The following CFAP91 variants were observed in gnomAD, a reference collection of about 807,000 sequenced individuals.
CFAP91 encodes the protein cilia- and flagella-associated protein 91.
A neutral mutation model predicts 95.9 loss-of-function variants in CFAP91; 85 were observed. That is an observed-to-expected ratio of 0.89 (90% confidence interval 0.74 to 1.06). The LOEUF is 1.06. Ranked by LOEUF, CFAP91 falls within the 50% of genes least tolerant of loss-of-function variation. The pLI, the probability that CFAP91 is intolerant of heterozygous loss-of-function variation, is 0.00. For missense variants in CFAP91, 962 were observed against 943.4 expected (o/e 1.02, Z -0.26); for synonymous variants, 335 against 327.5 (o/e 1.02, Z -0.25).
At chr3:119,742,849 C>T (rs1433903210) in intron 13 of CFAP91, among the ~76,000 whole-genome samples, 1 of 152,124 alleles carries the variant, frequency 6.6e-6, no homozygotes, top group Non-Finnish European at 1.5e-5. Flanking sequence ...ACTGAGTATT[C>T]CCTCCTTTCA....
intron 6 of CFAP91, among the ~76,000 whole-genome samples, chr3:119,720,396 CAA>C (rs34084407): frequency 2.3e-5 from 3 of 129,738 alleles, no homozygotes; most frequent in Non-Finnish European, 3.2e-5. Flanking sequence ...GACTCTGTCT[CAA>C]AAAAAAAAAA....
chr3:119,746,376 C>A (rs2054219194), intron 14 of CFAP91, among the ~76,000 whole-genome samples: 1 of 152,172 alleles, frequency 6.6e-6, no homozygotes, highest in Non-Finnish European at 1.5e-5. Context: ...TATCCTATTT[C>A]ATGATTTCAA....
intron 5 of CFAP91, among the ~76,000 whole-genome samples, chr3:119,713,994 A>G (rs541669187): frequency 1.3e-5 from 2 of 152,248 alleles, no homozygotes; most frequent in South Asian, 4.1e-4. Context: ...TAGAAATGAG[A>G]CTTTATGAAC....
intron 17 of CFAP91, among the ~76,000 whole-genome samples, chr3:119,754,490 G>A (rs556811220): frequency 6.6e-6 from 1 of 152,242 alleles, no homozygotes; most frequent in Non-Finnish European, 1.5e-5. Flanking sequence ...CTAAGGGTGG[G>A]TTAACAGACA....
At chr3:119,756,085 A>G (rs1336899630) in intron 17 of CFAP91, among the ~76,000 whole-genome samples, 1 of 152,180 alleles carries the variant, frequency 6.6e-6, no homozygotes, top group East Asian at 1.9e-4. Flanking sequence ...TTTCAAGAAG[A>G]CTTCTTAACC....
intron 1 of CFAP91, among the ~76,000 whole-genome samples, chr3:119,704,339 T>G (rs1371248944): frequency 6.6e-6 from 1 of 152,186 alleles, no homozygotes; most frequent in Non-Finnish European, 1.5e-5. Flanking sequence ...GTAGATCAAA[T>G]AAAAGTTTGG....
chr3:119,750,789 G>T, intron 16 of CFAP91, 148 bp from the exon 17 acceptor site: 3 of 801,898 alleles, frequency 3.7e-6, no homozygotes, highest in Non-Finnish European at 6.1e-6. Flanking sequence ...ACCAGAGAGT[G>T]GGAACAGAGG....
intron 4 of CFAP91, among the ~76,000 whole-genome samples, chr3:119,708,923 AGG>A (rs2053425685): frequency 6.6e-6 from 1 of 152,194 alleles, no homozygotes; most frequent in Non-Finnish European, 1.5e-5. Flanking sequence ...TAAGCTAGCA[AGG>A]GGTAGATCTG....
chr3:119,762,292 C>CTGTA (rs2054551134), intron 17 of CFAP91, among the ~76,000 whole-genome samples: 1 of 151,610 alleles, frequency 6.6e-6, no homozygotes, highest in African/African-American at 2.4e-5. Context: ...TCAAGGAGAC[C>CTGTA]TGTACATTGA....
intron 17 of CFAP91, among the ~76,000 whole-genome samples, chr3:119,755,217 T>C (rs1324686367): frequency 6.6e-6 from 1 of 152,168 alleles, no homozygotes; most frequent in Non-Finnish European, 1.5e-5. Context: ...TGAGTTAAGA[T>C]TTTTGGTATT....
At chr3:119,720,279 C>T (rs2053657720) in intron 6 of CFAP91, among the ~76,000 whole-genome samples, 1 of 150,826 alleles carries the variant, frequency 6.6e-6, no homozygotes, top group South Asian at 2.1e-4. Flanking sequence ...CGCCCGTAGT[C>T]CCAGCTACTC....
chr3:119,751,195 T>C (rs918143133), intron 17 of CFAP91, 97 bp downstream of exon 17: 47 of 1,357,932 alleles, frequency 3.5e-5, no homozygotes, highest in Non-Finnish European at 4.6e-5. Context: ...AATGTGAAGA[T>C]TGCTGTTTAA....
chr3:119,753,272 A>G (rs1358953988), intron 17 of CFAP91, among the ~76,000 whole-genome samples: 1 of 152,166 alleles, frequency 6.6e-6, no homozygotes, highest in Non-Finnish European at 1.5e-5. Context: ...AACTTGAGTC[A>G]AGGTTGGGGC....
intron 5 of CFAP91, among the ~76,000 whole-genome samples, chr3:119,714,408 G>C (rs1007955337): frequency 4.0e-4 from 61 of 151,598 alleles, no homozygotes; most frequent in African/African-American, 1.4e-3. Flanking sequence ...GGAGCAAAGC[G>C]TATTTTAACT....
intron 17 of CFAP91, among the ~76,000 whole-genome samples, chr3:119,761,586 A>T (rs962981634): frequency 7.2e-5 from 11 of 151,902 alleles, no homozygotes; most frequent in African/African-American, 2.4e-4. Context: ...GGATGCAAAA[A>T]TTCTCAAAAA....
chr3:119,766,255 TGAAGAA>T lies in CFAP91; in HGVS notation c.*1209_*1214del, dbSNP rs1346730081. Reference sequence around the variant, plus strand: ...CCTATCCCACAGCAATCGGAGTTCTTGAAGAAGAAACCAGAACAAATAAAATAGAAA... The same window carrying T: ...CCTATCCCACAGCAATCGGAGTTCTTGAAACCAGAACAAATAAAATAGAAA... On this transcript the variant is annotated 3_prime_UTR_variant, in exon 18 of 18. Coordinates refer to ENST00000273390, the MANE Select transcript of CFAP91 (RefSeq NM_033364.4). 4.0e-5 allele frequency: 6 copies of T among 150,730 alleles called. No homozygotes were observed. Among genetic ancestry groups the T allele is most frequent in the African/African-American group, 7.5e-5 (3 of 40,124 alleles). 9.3% of individuals were successfully genotyped at this position (150,730 alleles called of 1,614,324 possible). A position where few individuals can be genotyped will look rare whatever the true frequency, so the allele number is the denominator to read the frequency against.
At chr3:119,735,428 G>T (rs147122249) in intron 10 of CFAP91, among the ~76,000 whole-genome samples, 192 of 152,148 alleles carry the variant, frequency 1.3e-3, no homozygotes, top group African/African-American at 4.4e-3. Context: ...CATTAGTTTT[G>T]ATATGTAGTA....
chr3:119,733,177 C>T (rs1179719051), intron 9 of CFAP91, among the ~76,000 whole-genome samples, 187 bp from the exon 10 acceptor site: 1 of 152,196 alleles, frequency 6.6e-6, no homozygotes, highest in Non-Finnish European at 1.5e-5. Flanking sequence ...AAGTCACTGA[C>T]AACATGAGTT....
At chr3:119,758,628 A>G (rs2107922660) in intron 17 of CFAP91, among the ~76,000 whole-genome samples, 1 of 152,324 alleles carries the variant, frequency 6.6e-6, no homozygotes, top group South Asian at 2.1e-4. Context: ...ATATCAAGAG[A>G]AGAATCTAAT....
Sources: allele counts gnomAD v4.1 joint callset (sites outside exome capture counted in the v4.1 genomes callset), GRCh38; gene constraint gnomAD v4.1.1; transcripts MANE v1.5; gene names NCBI Gene and HGNC (gene_info 2026-07-23, HGNC 2026-07-21).